The following CPEB3 variants were observed in gnomAD, a reference collection of about 807,000 sequenced individuals.
The protein encoded by CPEB3 is cytoplasmic polyadenylation element binding protein 3, also known as cytoplasmic polyadenylation element-binding protein 3.
Under a neutral mutation model 67.2 loss-of-function variants are expected in CPEB3, and 20 were observed. The observed-to-expected ratio is 0.30, with a 90% CI of 0.21 to 0.43. The LOEUF (loss-of-function observed/expected upper bound fraction) is 0.43, where lower values mean the gene tolerates loss of function less well. Among genes scored for constraint, CPEB3 ranks in the 20% least tolerant of loss-of-function variants. The pLI, the probability that CPEB3 is intolerant of heterozygous loss-of-function variation, is 1.00. For missense variants in CPEB3, 746 were observed against 968.6 expected (o/e 0.77, Z 3.05); for synonymous variants, 376 against 393.1 (o/e 0.96, Z 0.51).
chr10:92,130,658 T>C (rs1479438422), intron 6 of CPEB3, among the ~76,000 whole-genome samples: 3 of 149,574 alleles, frequency 2.0e-5, no homozygotes, highest in Admixed American at 2.0e-4. Flanking sequence ...TATGTGGCTT[T>C]TTTTTTTTTT....
At chr10:92,153,248 G>A (rs779710989) in intron 4 of CPEB3, among the ~76,000 whole-genome samples, 1 of 152,096 alleles carries the variant, frequency 6.6e-6, no homozygotes, top group Non-Finnish European at 1.5e-5. Context: ...CCTCGAGCAG[G>A]CTTTTGACAG....
chr10:92,184,118 C>A (rs1368221902), intron 3 of CPEB3, among the ~76,000 whole-genome samples: 1 of 152,178 alleles, frequency 6.6e-6, no homozygotes, highest in African/African-American at 2.4e-5. Flanking sequence ...CTCTATCGTA[C>A]GCTGATTACT....
intron 1 of CPEB3, among the ~76,000 whole-genome samples, chr10:92,250,021 C>CAAAT (rs1554934087): frequency 1.4e-5 from 2 of 146,272 alleles, no homozygotes; most frequent in Non-Finnish European, 3.0e-5. Flanking sequence ...GACTCCATCT[C>CAAAT]ATATATATAT....
intron 3 of CPEB3, among the ~76,000 whole-genome samples, chr10:92,188,933 A>C (rs1370519195): frequency 6.6e-6 from 1 of 152,190 alleles, no homozygotes; most frequent in Non-Finnish European, 1.5e-5. Context: ...AACTGAATAC[A>C]TGACCAAAAA....
intron 4 of CPEB3, among the ~76,000 whole-genome samples, chr10:92,175,816 G>A (rs760664032): frequency 2.0e-5 from 3 of 151,168 alleles, no homozygotes; most frequent in Non-Finnish European, 4.4e-5. Context: ...GTGGCCGGGT[G>A]TGGTGGCTCA....
chr10:92,136,760 C>T (rs1199540929), intron 6 of CPEB3: 5 of 152,296 alleles, frequency 3.3e-5, no homozygotes, highest in African/African-American at 9.7e-5. Flanking sequence ...GGGGTTTCAC[C>T]ATGTTGGCCA....
At chr10:92,275,244 T>G (rs950253542) in intron 1 of CPEB3, among the ~76,000 whole-genome samples, 1 of 152,226 alleles carries the variant, frequency 6.6e-6, no homozygotes, top group African/African-American at 2.4e-5. Flanking sequence ...GCAGTATCCT[T>G]GGTCTCTACC....
At chr10:92,127,347 G>A (rs972923398) in intron 6 of CPEB3, among the ~76,000 whole-genome samples, 1 of 152,084 alleles carries the variant, frequency 6.6e-6, no homozygotes, top group African/African-American at 2.4e-5. Context: ...CTAGACATTT[G>A]AGCAGTGTCT....
At position 92,084,737 on chromosome 10, in the gene CPEB3, G is replaced by A. The variant is rs570347662; in HGVS notation, c.1688-3236C>T. Among the ~76,000 whole-genome samples, 13 of 152,092 alleles carry A rather than the reference G, an allele frequency of 8.5e-5. No homozygotes were observed. In the South Asian group the frequency reaches 2.7e-3, roughly 32 times the overall value. ...TGGGACTACAGGCGCCCGCCACCAC[G>A]CCTGGCTAATTTTTTGTATTTTTAG... On this transcript the variant is annotated intron_variant, in intron 8 of 9. Coordinates refer to ENST00000265997, the MANE Select transcript of CPEB3 (RefSeq NM_014912.5).
chr10:92,267,668 G>A (rs1171260093), intron 1 of CPEB3, among the ~76,000 whole-genome samples: 2 of 152,196 alleles, frequency 1.3e-5, no homozygotes, highest in Admixed American at 6.5e-5. Flanking sequence ...AGGTAAGGAT[G>A]AGTGTGATGA....
intron 9 of CPEB3, 131 bp downstream of exon 9, chr10:92,081,189 T>C (rs974347471): frequency 1.1e-6 from 1 of 940,194 alleles, no homozygotes; most frequent in South Asian, 1.4e-5. Flanking sequence ...GCAGCCTAGA[T>C]GAATTCATGG....
At chr10:92,147,160 A>C (rs1408893033) in intron 4 of CPEB3, among the ~76,000 whole-genome samples, 1 of 152,168 alleles carries the variant, frequency 6.6e-6, no homozygotes, top group African/African-American at 2.4e-5. Flanking sequence ...TTCTACAGTA[A>C]AGAAACATTA....
chr10:92,098,498 G>A (rs1564776962), intron 7 of CPEB3, among the ~76,000 whole-genome samples: 6 of 151,972 alleles, frequency 3.9e-5, no homozygotes, highest in African/African-American at 7.2e-5. Context: ...TAGTAGAGAC[G>A]GGGTTTCTCC....
chr10:92,239,330 T>C lies in CPEB3; in HGVS notation c.1005+16A>G. ...GGGGCAGAGGGAAGGAGTGTGTAGGTGCAGCAGAGTATTACCTGAAATGGC... is the reference window on the plus strand; with the variant it reads ...GGGGCAGAGGGAAGGAGTGTGTAGGCGCAGCAGAGTATTACCTGAAATGGC... On this transcript the variant is annotated intron_variant, in intron 2 of 9. Coordinates refer to ENST00000265997, the MANE Select transcript of CPEB3 (RefSeq NM_014912.5). This position sits in a 1 kb window ranked among gnomAD's most constrained non-coding sequence, Gnocchi z 6.0. 1 of 1,599,044 alleles carries C rather than the reference T, an allele frequency of 6.3e-7. No individual in the cohort carries two copies. Among genetic ancestry groups the C allele is most frequent in the Admixed American group, 1.7e-5 (1 of 58,214 alleles).
intron 3 of CPEB3, among the ~76,000 whole-genome samples, chr10:92,189,958 C>A (rs1283954144): frequency 6.6e-6 from 1 of 150,482 alleles, no homozygotes; most frequent in Non-Finnish European, 1.5e-5. Context: ...GAAAAAAAAA[C>A]ACCAAAACAA....
At chr10:92,253,150 G>A (rs1371834303) in intron 1 of CPEB3, among the ~76,000 whole-genome samples, 1 of 152,090 alleles carries the variant, frequency 6.6e-6, no homozygotes, top group Non-Finnish European at 1.5e-5. Flanking sequence ...TTGTTGAACT[G>A]GGTGTTCACT....
At chr10:92,286,271 T>C (rs973950074) in intron 1 of CPEB3, among the ~76,000 whole-genome samples, 2 of 152,068 alleles carry the variant, frequency 1.3e-5, no homozygotes, top group Non-Finnish European at 1.5e-5. Context: ...TATTTAGGTA[T>C]GTAGATTGTA....
chr10:92,095,616 T>G (rs1296575553), intron 7 of CPEB3, among the ~76,000 whole-genome samples: 1 of 140,668 alleles, frequency 7.1e-6, no homozygotes, highest in Non-Finnish European at 1.5e-5. Context: ...TTTTTTTCAT[T>G]GTGTATATAT....
At chr10:92,166,107 T>TTTTTC (rs1847727550) in intron 4 of CPEB3, among the ~76,000 whole-genome samples, 1 of 151,820 alleles carries the variant, frequency 6.6e-6, no homozygotes, top group Non-Finnish European at 1.5e-5. Context: ...AATGTATTTC[T>TTTTTC]TTTTCTTTTT....
Sources: gnomAD v4.1 joint callset for allele counts (sites outside exome capture counted in the v4.1 genomes callset) on GRCh38, gnomAD v4.1.1 for gene constraint, Gnocchi (gnomAD v3.1) non-coding constraint, MANE v1.5 for transcripts, NCBI Gene and HGNC (gene_info 2026-07-23, HGNC 2026-07-21) for gene names.